The following CNTN4 variants were observed in gnomAD, a reference collection of about 807,000 sequenced individuals.
The protein encoded by CNTN4 is contactin-4.
A neutral mutation model predicts 122.5 loss-of-function variants in CNTN4; 77 were observed. The ratio of observed to expected loss-of-function variants is 0.63; its 90% CI spans 0.52 to 0.76. The LOEUF (loss-of-function observed/expected upper bound fraction) is 0.76, where lower values mean the gene tolerates loss of function less well. Among genes scored for constraint, CNTN4 ranks in the 30% least tolerant of loss-of-function variants. The pLI, the probability that CNTN4 is intolerant of heterozygous loss-of-function variation, is 0.00. For synonymous variants in CNTN4, 512 were observed against 447.0 expected (o/e 1.15, Z -1.83); for missense variants, 1,256 against 1,259.1 (o/e 1.00, Z 0.04).
At chr3:2,785,574 T>C (rs1263168421) in intron 6 of CNTN4, among the ~76,000 whole-genome samples, 1 of 152,172 alleles carries the variant, frequency 6.6e-6, no homozygotes, top group Non-Finnish European at 1.5e-5. Flanking sequence ...ATAAAACTAA[T>C]AATCACAAAT....
At chr3:2,203,429 G>C (rs910828672) in intron 2 of CNTN4, among the ~76,000 whole-genome samples, 5 of 152,012 alleles carry the variant, frequency 3.3e-5, no homozygotes, top group African/African-American at 1.2e-4. Context: ...GATTCTGCTT[G>C]GCCCAGATAC....
intron 2 of CNTN4, among the ~76,000 whole-genome samples, chr3:2,144,732 T>C (rs1308291051): frequency 6.6e-6 from 1 of 152,208 alleles, no homozygotes. Context: ...GCCCAGCACA[T>C]AGCAAGTCAT....
In CNTN4 at chr3:3,039,008, A is replaced by G. The variant is rs758731818; in HGVS notation, c.2163+5A>G. On this transcript the variant is annotated splice_donor_5th_base_variant and intron_variant, in intron 19 of 24. Transcript: ENST00000418658. ...GAACTGGTTATAACCTGGGAGGTAA[A>G]TGAATCACAGAATAAAAGGAACGTA... 1.9e-6 allele frequency: 3 copies of G among 1,611,126 alleles called. No homozygotes were observed. In the African/African-American group the frequency reaches 4.0e-5, roughly 21 times the overall value.
At chr3:2,136,021 G>A (rs538278533) in intron 2 of CNTN4, among the ~76,000 whole-genome samples, 1 of 152,288 alleles carries the variant, frequency 6.6e-6, no homozygotes, top group East Asian at 1.9e-4. Context: ...TATAGGCATA[G>A]CCTCTCAGAG....
intron 3 of CNTN4, among the ~76,000 whole-genome samples, chr3:2,423,044 T>G (rs544414669): frequency 5.6e-4 from 86 of 152,320 alleles, no homozygotes; most frequent in African/African-American, 1.9e-3. Context: ...GCGACTGCGT[T>G]GTTTTAGTGG....
At chr3:2,427,982 G>T (rs1328374928) in intron 3 of CNTN4, among the ~76,000 whole-genome samples, 1 of 151,812 alleles carries the variant, frequency 6.6e-6, no homozygotes, top group Non-Finnish European at 1.5e-5. Context: ...CGTGAGATGG[G>T]TGTCCTAAAT....
In CNTN4 at chr3:2,516,630, C is replaced by T. The variant is rs143245667; in HGVS notation, c.-88-54786C>T. Among the ~76,000 whole-genome samples, 1,255 of 152,114 alleles carry T rather than the reference C, an allele frequency of 8.3e-3. 13 individuals are homozygous for T. Among genetic ancestry groups the T allele is most frequent in the African/African-American group, 0.029 (1,200 of 41,504 alleles). ...TGGCTTCATGTCTTCACCTCTATTC[C>T]AAAGTAAGAAGGGAAGTCCTTCTGC... is the stretch of plus-strand genomic sequence containing the variant. On this transcript the variant is annotated intron_variant, in intron 3 of 24. Transcript: ENST00000418658.
chr3:2,245,195 A>G (rs1575162096), intron 2 of CNTN4, among the ~76,000 whole-genome samples: 2 of 151,726 alleles, frequency 1.3e-5, no homozygotes, highest in East Asian at 3.9e-4. Flanking sequence ...TATGAGATAT[A>G]TTTTGGGAGA....
chr3:2,332,049 T>C (rs2043749034), intron 2 of CNTN4, among the ~76,000 whole-genome samples: 1 of 152,156 alleles, frequency 6.6e-6, no homozygotes, highest in Admixed American at 6.5e-5. Flanking sequence ...TTCAGTCTCT[T>C]GAACCTGGTG....
chr3:2,315,309 G>A (rs932520032), intron 2 of CNTN4, among the ~76,000 whole-genome samples: 2 of 151,870 alleles, frequency 1.3e-5, no homozygotes, highest in East Asian at 1.9e-4. Flanking sequence ...TTTGCCACTT[G>A]TATGAATTAA....
rs1698693829 is a variant in CNTN4 at position 3,026,099 on chromosome 3, C to T, written c.1487-3C>T. The T allele has an allele frequency of 1.2e-6, 2 of 1,612,708 alleles. No homozygotes were observed. Among genetic ancestry groups the T allele is most frequent in the Non-Finnish European group, 1.7e-6 (2 of 1,178,986 alleles). ...TATTGTTTGTTTTGTTTTAACTCTC[C>T]AGATCCAACAAGGGTAATGGTACCC... is the stretch of plus-strand genomic sequence containing the variant. On this transcript the variant is annotated splice_polypyrimidine_tract_variant and splice_region_variant and intron_variant, in intron 14 of 24. Transcript: ENST00000418658.
rs1027888131 is a variant in CNTN4 at position 2,139,051 on chromosome 3, C to T, written c.-145+38412C>T. ...GGCACTTGGGTAGTGCATCTTTTTT[C>T]CTCTAACAAATGGGGGAGCATGTGG... On this transcript the variant is annotated intron_variant, in intron 2 of 24. Transcript: ENST00000418658. 3.3e-5 allele frequency among the ~76,000 whole-genome samples: 5 copies of T among 152,134 alleles called. 1 individual carries two copies. In the South Asian group the frequency reaches 6.2e-4, roughly 19 times the overall value.
chr3:2,356,351 A>G (rs540595657), intron 3 of CNTN4, among the ~76,000 whole-genome samples: 1 of 152,304 alleles, frequency 6.6e-6, no homozygotes, highest in East Asian at 1.9e-4. Flanking sequence ...TGGATTATTC[A>G]TGAGTTTTCC....
chr3:2,313,468 C>G (rs950672857), intron 2 of CNTN4, among the ~76,000 whole-genome samples: 3 of 151,878 alleles, frequency 2.0e-5, no homozygotes, highest in African/African-American at 4.8e-5. Context: ...AAATTATTAA[C>G]AGATAAGCAA....
At chr3:3,055,467 G>A (rs1396876176) in intron 24 of CNTN4, among the ~76,000 whole-genome samples, 1 of 152,146 alleles carries the variant, frequency 6.6e-6, no homozygotes, top group Non-Finnish European at 1.5e-5. Context: ...CATCATGTTG[G>A]TCAAAGAGAC....
intron 6 of CNTN4, among the ~76,000 whole-genome samples, chr3:2,806,596 C>G: frequency 6.6e-6 from 1 of 152,198 alleles, no homozygotes; most frequent in South Asian, 2.1e-4. Flanking sequence ...TCAGTTGTTT[C>G]TCCCACTTCT....
At chr3:2,410,741 C>T (rs1048178684) in intron 3 of CNTN4, among the ~76,000 whole-genome samples, 1 of 152,154 alleles carries the variant, frequency 6.6e-6, no homozygotes, top group African/African-American at 2.4e-5. Context: ...TTTACTGAGA[C>T]ATCAAAAATC....
intron 4 of CNTN4, among the ~76,000 whole-genome samples, chr3:2,606,226 C>T (rs551843888): frequency 2.6e-5 from 4 of 152,084 alleles, no homozygotes; most frequent in East Asian, 1.9e-4. Context: ...TTTAGATTGT[C>T]GTGATTCCTT....
chr3:2,723,247 G>T (rs2087975741), intron 4 of CNTN4, among the ~76,000 whole-genome samples: 1 of 152,068 alleles, frequency 6.6e-6, no homozygotes. Flanking sequence ...TGTGACTTTG[G>T]ATACACCACC....
Sources: allele counts gnomAD v4.1 joint callset (sites outside exome capture counted in the v4.1 genomes callset), GRCh38; gene constraint gnomAD v4.1.1; transcripts MANE v1.5; gene names NCBI Gene and HGNC (gene_info 2026-07-23, HGNC 2026-07-21).